Variants in USP5 observed in about 807,000 individuals in gnomAD.
USP5 encodes the protein ubiquitin specific peptidase 5.
Under a neutral mutation model 102.5 loss-of-function variants are expected in USP5, and 24 were observed. The ratio of observed to expected loss-of-function variants is 0.23; its 90% CI spans 0.17 to 0.33. The LOEUF (loss-of-function observed/expected upper bound fraction) is 0.33. Among genes scored for constraint, USP5 ranks in the 10% least tolerant of loss-of-function variants. The pLI is 1.00. For missense variants in USP5, 753 were observed against 1,122.1 expected (o/e 0.67, Z 4.70); for synonymous variants, 460 against 434.8 (o/e 1.06, Z -0.72).
chr12:6,859,558 T>G lies in USP5; in HGVS notation c.1130+17T>G. 6.2e-7 allele frequency: 1 copy of G among 1,613,690 alleles called. No homozygotes were observed. The highest frequency in any genetic ancestry group is 8.5e-7 in the Non-Finnish European group (1 of 1,179,578). On this transcript the variant is annotated intron_variant, in intron 9 of 19. Transcript: ENST00000229268. ...CACCCAGGTGTATGTAACCAGGTCC[T>G]ATGTAGGAAAGCTGTTGACAGTCAT...
chr12:6,861,525 G>A lies in USP5; in HGVS notation c.1581G>A (p.Val527=). Residue 527 remains valine, a synonymous_variant, in exon 13 of 20, where the codon GTG becomes GTA. Coordinates refer to ENST00000229268, the MANE Select transcript of USP5 (RefSeq NM_001098536.2). This position sits in a 1 kb window ranked among gnomAD's most constrained non-coding sequence, Gnocchi z 4.9. The part of the protein sequence containing the change: ...MALPELVRAQ[V]PFSSCLEAYG... ...TGCCAGAACTGGTTCGGGCCCAGGT[G>A]CCCTTCAGCTCTTGCCTGGAGGCCT... 6.2e-7 allele frequency: 1 copy of A among 1,602,310 alleles called. No homozygotes were observed. Among genetic ancestry groups the A allele is most frequent in the Non-Finnish European group, 8.5e-7 (1 of 1,170,488 alleles).
chr12:6,864,089 C>T lies in USP5; in HGVS notation c.2138C>T (p.Pro713Leu), dbSNP rs897986664. The T allele has an allele frequency of 3.7e-6, 6 of 1,613,528 alleles. No homozygotes were observed. The highest frequency in any genetic ancestry group is 2.2e-5 in the East Asian group (1 of 44,876). The change falls in exon 17 of 20, where the codon CCG (proline) becomes CTG (leucine). Residue 713 changes from proline (P) to leucine (L), a missense_variant. By Grantham distance (98) the Pro-to-Leu change is moderately conservative (BLOSUM62 -3). Coordinates refer to ENST00000229268, the MANE Select transcript of USP5 (RefSeq NM_001098536.2). The surrounding 1 kb of genome is among the most constrained non-coding windows in gnomAD (Gnocchi z 4.8). ...NPLILPGSSG[P>L]GSTSAAADPP... is the part of the protein sequence containing the mutation. ...CTCATCCTGCCTGGCTCTAGTGGGC[C>T]GGGCTCCACAAGCGCAGCAGCCGAC...
At chr12:6,862,628 A>G (rs1301152238) in intron 14 of USP5, 70 bp downstream of exon 14, 1 of 1,401,742 alleles carries the variant, frequency 7.1e-7, no homozygotes, top group African/African-American at 1.4e-5. Context: ...ACACATATAA[A>G]CTAGTGTTTC....
chr12:6,852,372 G>A (rs1555127095), intron 1 of USP5, 82 bp downstream of exon 1: 3 of 1,389,940 alleles, frequency 2.2e-6, no homozygotes, highest in South Asian at 1.2e-5. Context: ...CAAGGCTTGG[G>A]CTACCGCCTC....
In USP5 at chr12:6,866,190, C is replaced by T; in HGVS notation, c.*113C>T. ...GCTCTGTACCCTTTTTCCTTTTGTCCCCGGCAGCAGGGAAGAAGCTGGAGG... is the reference window on the plus strand; with the variant it reads ...GCTCTGTACCCTTTTTCCTTTTGTCTCCGGCAGCAGGGAAGAAGCTGGAGG... On this transcript the variant is annotated 3_prime_UTR_variant, in exon 20 of 20. Transcript: ENST00000229268. The surrounding 1 kb of genome is among the most constrained non-coding windows in gnomAD (Gnocchi z 4.7). The T allele has an allele frequency of 9.9e-7, 1 of 1,005,156 alleles. No individual in the cohort carries two copies. Among genetic ancestry groups the T allele is most frequent in the Non-Finnish European group, 1.5e-6 (1 of 674,304 alleles). 62.3% of individuals were successfully genotyped at this position (1,005,156 alleles called of 1,614,324 possible).
In USP5 at chr12:6,860,524, TC is replaced by T; in HGVS notation, c.1344+35del. On this transcript the variant is annotated intron_variant, in intron 11 of 19. Coordinates refer to ENST00000229268, the MANE Select transcript of USP5 (RefSeq NM_001098536.2). The surrounding 1 kb of genome is among the most constrained non-coding windows in gnomAD (Gnocchi z 5.5). ...CTGGCAAGATGGCACACCCCCATCT[TC>T]CTGCAATTTACTCGCTCTCCTTCCT... 1 of 1,611,768 alleles carries T rather than the reference TC, an allele frequency of 6.2e-7. No individual in the cohort carries two copies. The highest frequency in any genetic ancestry group is 8.5e-7 in the Non-Finnish European group (1 of 1,179,570).
At position 6,864,571 on chromosome 12, in the gene USP5, C is replaced by A; in HGVS notation, c.2245-151C>A. Reference sequence around the variant, plus strand: ...AAGCGTGGTGGTGGGCGTCTGTAGTCCCAGCTACTTGGGAGGCTGAGGCAG... The same window carrying A: ...AAGCGTGGTGGTGGGCGTCTGTAGTACCAGCTACTTGGGAGGCTGAGGCAG... On this transcript the variant is annotated intron_variant, in intron 17 of 19. Coordinates refer to ENST00000229268, the MANE Select transcript of USP5 (RefSeq NM_001098536.2). This position sits in a 1 kb window ranked among gnomAD's most constrained non-coding sequence, Gnocchi z 4.8. 2 of 858,492 alleles carry A rather than the reference C, an allele frequency of 2.3e-6. No individual in the cohort carries two copies. The highest frequency in any genetic ancestry group is 1.7e-6 in the Non-Finnish European group (1 of 571,674). 53.2% of individuals were successfully genotyped at this position (858,492 alleles called of 1,614,324 possible). A position where few individuals can be genotyped will look rare whatever the true frequency, so the allele number is the denominator to read the frequency against.
chr12:6,858,345 C>A lies in USP5; in HGVS notation c.865-79C>A. 1 of 1,468,668 alleles carries A rather than the reference C, an allele frequency of 6.8e-7. No homozygotes were observed. Among genetic ancestry groups the A allele is most frequent in the African/African-American group, 1.4e-5 (1 of 72,472 alleles). The allele number at this position is 1,468,668 out of a possible 1,614,324, so 91.0% of individuals were successfully genotyped here. On this transcript the variant is annotated intron_variant, in intron 7 of 19. Coordinates refer to ENST00000229268, the MANE Select transcript of USP5 (RefSeq NM_001098536.2). This position sits in a 1 kb window ranked among gnomAD's most constrained non-coding sequence, Gnocchi z 4.2. ...ATTCTAGGCCACAGTTGAGTATCAT[C>A]CTAGACTCAGTGAGAGATCGAGGTA...
Position 6,857,666 on chromosome 12 carries a change from C to T in USP5, c.807C>T (p.Asp269=). The T allele has an allele frequency of 6.2e-7, 1 of 1,614,030 alleles. No homozygotes were observed. The highest frequency in any genetic ancestry group is 8.5e-7 in the Non-Finnish European group (1 of 1,180,028). Reference sequence around the variant, plus strand: ...ATGATGAGGATGACATGGTCCTGGACCCCAGCCTGGCTGAGCACCTGTCCC... The same window carrying T: ...ATGATGAGGATGACATGGTCCTGGATCCCAGCCTGGCTGAGCACCTGTCCC... ...YSYDEDDMVL[D]PSLAEHLSHF... is the part of the protein sequence containing the mutation. The change falls in exon 7 of 20, where the codon GAC becomes GAT. Residue 269 remains aspartate, a synonymous_variant. Coordinates refer to ENST00000229268, the MANE Select transcript of USP5 (RefSeq NM_001098536.2).
Position 6,860,223 on chromosome 12 carries a change from G to A in USP5, c.1203G>A (p.Arg401=). The A allele has an allele frequency of 1.2e-6, 2 of 1,608,492 alleles. No homozygotes were observed. Among genetic ancestry groups the A allele is most frequent in the Non-Finnish European group, 8.5e-7 (1 of 1,178,350 alleles). Residue 401 remains arginine, a synonymous_variant, in exon 10 of 20, where the codon CGG becomes CGA. Coordinates refer to ENST00000229268, the MANE Select transcript of USP5 (RefSeq NM_001098536.2). This position sits in a 1 kb window ranked among gnomAD's most constrained non-coding sequence, Gnocchi z 5.5. ...TACCGGAGTCGGGCGATGGGGAGCG[G>A]GTGCCAGAACAGAAGGTGCGTCTAG... ...KPVPESGDGE[R]VPEQKEVQDG... is the part of the protein sequence containing the mutation.
chr12:6,855,779 A>G lies in USP5; in HGVS notation c.262A>G (p.Thr88Ala). ...GAAAGAGGAGGACCCTGCTACAGGC[A>G]CTGGAGACCCACCCCGGAAGAAGCC... ...RPKEEDPATG[T>A]GDPPRKKPTR... is the part of the protein sequence containing the mutation. The change falls in exon 3 of 20, where the codon ACT becomes GCT. Residue 88 changes from threonine (T) to alanine (A), a missense_variant. Physicochemically the swap from Thr to Ala is moderately conservative, Grantham distance 58. This residue lies in a region of USP5 where 527 missense variants were observed against 816.5 expected (regional missense o/e 0.65). Coordinates refer to ENST00000229268, the MANE Select transcript of USP5 (RefSeq NM_001098536.2). This position sits in a 1 kb window ranked among gnomAD's most constrained non-coding sequence, Gnocchi z 4.6. 6.2e-7 allele frequency: 1 copy of G among 1,614,156 alleles called. No homozygotes were observed. Among genetic ancestry groups the G allele is most frequent in the Non-Finnish European group, 8.5e-7 (1 of 1,180,028 alleles).
In USP5 at chr12:6,858,965, T is replaced by C. The variant is rs184696948; in HGVS notation, c.1058+348T>C. ...CCCAACACACAAACCCCACTGATAG[T>C]GCAGAGTGCCAAGTCCCAGGGCTCT... On this transcript the variant is annotated intron_variant, in intron 8 of 19. Coordinates refer to ENST00000229268, the MANE Select transcript of USP5 (RefSeq NM_001098536.2). The surrounding 1 kb of genome is among the most constrained non-coding windows in gnomAD (Gnocchi z 4.2). 1 of 255,016 alleles carries C rather than the reference T, an allele frequency of 3.9e-6. No individual in the cohort carries two copies. Among genetic ancestry groups the C allele is most frequent in the African/African-American group, 2.2e-5 (1 of 46,330 alleles). The allele number at this position is 255,016 out of a possible 1,614,324, so 15.8% of individuals were successfully genotyped here.
In USP5 at chr12:6,858,399, G is replaced by T. The variant is rs368387512; in HGVS notation, c.865-25G>T. On this transcript the variant is annotated intron_variant, in intron 7 of 19. Coordinates refer to ENST00000229268, the MANE Select transcript of USP5 (RefSeq NM_001098536.2). The surrounding 1 kb of genome is among the most constrained non-coding windows in gnomAD (Gnocchi z 4.2). Reference sequence around the variant, plus strand: ...ACTACAGGGTTGAGTTTCTCACTCAGTCTGAAGTGCCCCTTCTCACACAGA... The same window carrying T: ...ACTACAGGGTTGAGTTTCTCACTCATTCTGAAGTGCCCCTTCTCACACAGA... The T allele has an allele frequency of 3.1e-6, 5 of 1,588,914 alleles. No homozygotes were observed. In the African/African-American group the frequency reaches 6.7e-5, roughly 21 times the overall value.
In USP5 at chr12:6,863,908, A is replaced by G. The variant is rs782737979; in HGVS notation, c.2033A>G (p.Tyr678Cys). The change falls in exon 16 of 20, where the codon TAC becomes TGC. Residue 678 changes from tyrosine (Y) to cysteine (C), a missense_variant. Tyr to Cys is a radical substitution (Grantham distance 194). Around this residue, in one of 3 missense-constraint regions of USP5, gnomAD observed 193 missense variants for 230.2 expected, o/e 0.84. Coordinates refer to ENST00000229268, the MANE Select transcript of USP5 (RefSeq NM_001098536.2). This position sits in a 1 kb window ranked among gnomAD's most constrained non-coding sequence, Gnocchi z 4.7. Reference sequence around the variant, plus strand: ...ATGGACGCCTGCCGCAAAGCTGTCTACTACACGGGCAACAGCGGGGCTGAG... The same window carrying G: ...ATGGACGCCTGCCGCAAAGCTGTCTGCTACACGGGCAACAGCGGGGCTGAG... Reference protein sequence around the residue: ...FPMDACRKAVYYTGNSGAEAA... With the variant: ...FPMDACRKAVCYTGNSGAEAA... 2 of 1,612,064 alleles carry G rather than the reference A, an allele frequency of 1.2e-6. No individual in the cohort carries two copies. The highest frequency in any genetic ancestry group is 8.5e-7 in the Non-Finnish European group (1 of 1,178,688).
Position 6,861,549 on chromosome 12 carries a change from C to T in USP5, c.1605C>T (p.Ala535=), listed in dbSNP as rs782583921. ...TGCCCTTCAGCTCTTGCCTGGAGGC[C>T]TACGGGGCCCCTGAGCAGGTCGATG... ...AQVPFSSCLE[A]YGAPEQVDDF... The change falls in exon 13 of 20, where the codon GCC becomes GCT. Residue 535 remains alanine (A), a synonymous_variant. Transcript: ENST00000229268. The surrounding 1 kb of genome is among the most constrained non-coding windows in gnomAD (Gnocchi z 4.9). 1 of 1,600,932 alleles carries T rather than the reference C, an allele frequency of 6.2e-7. No individual in the cohort carries two copies. Among genetic ancestry groups the T allele is most frequent in the Admixed American group, 1.7e-5 (1 of 59,696 alleles).
chr12:6,866,400 T>C lies in USP5; in HGVS notation c.*323T>C, dbSNP rs1167465578. On this transcript the variant is annotated 3_prime_UTR_variant, in exon 20 of 20. Coordinates refer to ENST00000229268, the MANE Select transcript of USP5 (RefSeq NM_001098536.2). The surrounding 1 kb of genome is among the most constrained non-coding windows in gnomAD (Gnocchi z 4.7). Reference sequence around the variant, plus strand: ...CAGCCCCCTGGTGTGGAGGGAGGGGTCTCGTTTGTGCGCGTGGGTGTAGCT... The same window carrying C: ...CAGCCCCCTGGTGTGGAGGGAGGGGCCTCGTTTGTGCGCGTGGGTGTAGCT... 1 of 310,210 alleles carries C rather than the reference T, an allele frequency of 3.2e-6. No homozygotes were observed. Among genetic ancestry groups the C allele is most frequent in the Non-Finnish European group, 6.1e-6 (1 of 164,778 alleles). The allele number at this position is 310,210 out of a possible 1,614,324, so 19.2% of individuals were successfully genotyped here. A position where few individuals can be genotyped will look rare whatever the true frequency, so the allele number is the denominator to read the frequency against.
chr12:6,865,042 A>G, intron 18 of USP5, 122 bp from the exon 19 acceptor site: 1 of 1,287,880 alleles, frequency 7.8e-7, no homozygotes, highest in Non-Finnish European at 1.1e-6. Flanking sequence ...GCTCTGGCCC[A>G]GTACCTGCCT....
Position 6,852,309 on chromosome 12 carries a change from C to G in USP5, c.111+19C>G, listed in dbSNP as rs989281746. The G allele has an allele frequency of 2.5e-6, 4 of 1,594,344 alleles. No homozygotes were observed. The highest frequency in any genetic ancestry group is 1.1e-5 in the South Asian group (1 of 87,976). Reference sequence around the variant, plus strand: ...CACGCCGGTAAGCCCATTCCCCACGCCCGCAACGAGCACGACTTCCTTCCA... The same window carrying G: ...CACGCCGGTAAGCCCATTCCCCACGGCCGCAACGAGCACGACTTCCTTCCA... On this transcript the variant is annotated intron_variant, in intron 1 of 19. Coordinates refer to ENST00000229268, the MANE Select transcript of USP5 (RefSeq NM_001098536.2).
At chr12:6,852,552 C>G (rs1220948584) in intron 1 of USP5, among the ~76,000 whole-genome samples, 1 of 152,284 alleles carries the variant, frequency 6.6e-6, no homozygotes, top group Non-Finnish European at 1.5e-5. Context: ...GCCTTCGTTG[C>G]CGTTCTAAGC....
Sources: allele counts gnomAD v4.1 joint callset (sites outside exome capture counted in the v4.1 genomes callset), GRCh38; gene constraint gnomAD v4.1.1; regional missense constraint gnomAD v4.1.1; non-coding constraint Gnocchi (gnomAD v3.1); transcripts MANE v1.5; gene names NCBI Gene and HGNC (gene_info 2026-07-23, HGNC 2026-07-21).